ASTN1: variants seen among roughly 807,000 people sequenced by gnomAD.
ASTN1 encodes the protein astrotactin 1.
A neutral mutation model predicts 140.7 loss-of-function variants in ASTN1; 41 were observed. The observed-to-expected ratio is 0.29, with a 90% CI of 0.23 to 0.38. The LOEUF (loss-of-function observed/expected upper bound fraction) is 0.38, where lower values mean the gene tolerates loss of function less well. ASTN1 is among the 10% of genes least tolerant of loss of function. The pLI, the probability that ASTN1 is intolerant of heterozygous loss-of-function variation, is 1.00. For missense variants in ASTN1, 1,479 were observed against 1,678.8 expected (o/e 0.88, Z 2.08); for synonymous variants, 640 against 652.2 (o/e 0.98, Z 0.29).
intron 16 of ASTN1, among the ~76,000 whole-genome samples, chr1:176,914,473 C>T (rs1196208397): frequency 6.6e-6 from 1 of 152,206 alleles, no homozygotes; most frequent in Non-Finnish European, 1.5e-5. Context: ...CAAAGCTTAA[C>T]TCTGTGTTAT....
At chr1:176,949,630 C>T (rs369822881) in intron 11 of ASTN1, among the ~76,000 whole-genome samples, 11 of 152,162 alleles carry the variant, frequency 7.2e-5, no homozygotes, top group African/African-American at 1.9e-4. Context: ...AAGACACAGC[C>T]GAGGTGTACT....
chr1:177,128,142 G>A (rs181377644), intron 1 of ASTN1, among the ~76,000 whole-genome samples: 30 of 152,190 alleles, frequency 2.0e-4, no homozygotes, highest in Admixed American at 6.5e-4. Context: ...AGATGAATTA[G>A]GGAAAACAAG....
At position 177,145,125 on chromosome 1, in the gene ASTN1, T is replaced by C. The variant is rs116529741; in HGVS notation, c.283+19269A>G. Among the ~76,000 whole-genome samples, 583 of 152,290 alleles carry C rather than the reference T, an allele frequency of 3.8e-3. 3 individuals are homozygous for C. The highest frequency in any genetic ancestry group is 6.1e-3 in the Non-Finnish European group (412 of 68,016). On this transcript the variant is annotated intron_variant, in intron 1 of 22. Transcript: ENST00000361833. ...AGATAACTCTCAGATTCCTTTAACC[T>C]GCAACCTCAGAAAAATCAACTTTCA...
intron 1 of ASTN1, among the ~76,000 whole-genome samples, chr1:177,134,501 A>G (rs1682088579): frequency 6.6e-6 from 1 of 152,150 alleles, no homozygotes; most frequent in Admixed American, 6.5e-5. Context: ...AACCCACTGG[A>G]GTGGACTTAG....
intron 8 of ASTN1, among the ~76,000 whole-genome samples, chr1:177,001,246 G>A (rs1674715846): frequency 6.6e-6 from 1 of 152,140 alleles, no homozygotes; most frequent in African/African-American, 2.4e-5. Flanking sequence ...AAGAGACATT[G>A]TTTCTGCCTT....
chr1:177,054,591 A>C (rs1010242340), intron 2 of ASTN1, among the ~76,000 whole-genome samples: 1 of 152,218 alleles, frequency 6.6e-6, no homozygotes, highest in African/African-American at 2.4e-5. Flanking sequence ...ATAACCTGAT[A>C]TGAAAGCTTT....
At chr1:176,939,684 A>G (rs2103100583) in intron 14 of ASTN1, among the ~76,000 whole-genome samples, 1 of 152,242 alleles carries the variant, frequency 6.6e-6, no homozygotes, top group African/African-American at 2.4e-5. Context: ...TTTTTCAAGC[A>G]GTATCTCTGA....
intron 1 of ASTN1, among the ~76,000 whole-genome samples, chr1:177,117,310 T>C (rs1166329108): frequency 1.3e-5 from 2 of 152,162 alleles, no homozygotes; most frequent in African/African-American, 4.8e-5. Flanking sequence ...CCCACAGGTA[T>C]TCTTTACAGC....
intron 8 of ASTN1, among the ~76,000 whole-genome samples, chr1:176,967,599 G>A (rs369440363): frequency 1.3e-5 from 2 of 152,122 alleles, no homozygotes; most frequent in African/African-American, 4.8e-5. Flanking sequence ...ATAGTTTCTA[G>A]GTTGTTTGAA....
At chr1:177,061,027 T>A (rs1401801416) in intron 2 of ASTN1, 51 bp downstream of exon 2, 2 of 1,440,084 alleles carry the variant, frequency 1.4e-6, no homozygotes, top group Non-Finnish European at 1.8e-6. Context: ...ACCCTTAATG[T>A]CAAGGTAACA....
At chr1:176,933,830 A>G (rs2103091023) in intron 16 of ASTN1, among the ~76,000 whole-genome samples, 1 of 152,324 alleles carries the variant, frequency 6.6e-6, no homozygotes, top group South Asian at 2.1e-4. Flanking sequence ...ACTTTATACA[A>G]GCAGTCTGAT....
intron 16 of ASTN1, among the ~76,000 whole-genome samples, chr1:176,928,562 T>C (rs926469796): frequency 2.6e-5 from 4 of 151,936 alleles, no homozygotes; most frequent in African/African-American, 9.7e-5. Context: ...GTGGGAGTGA[T>C]GTTGGAGCTA....
intron 1 of ASTN1, among the ~76,000 whole-genome samples, chr1:177,127,770 C>A (rs1681728195): frequency 6.6e-6 from 1 of 152,208 alleles, no homozygotes; most frequent in Non-Finnish European, 1.5e-5. Flanking sequence ...CAAACTCTTT[C>A]TAAACTGTTG....
intron 1 of ASTN1, among the ~76,000 whole-genome samples, chr1:177,140,453 T>C (rs531569151): frequency 6.0e-4 from 91 of 152,174 alleles, no homozygotes; most frequent in Non-Finnish European, 3.5e-4. Context: ...TGTGACCCAA[T>C]TTACCACTTT....
chr1:176,938,475 A>G (rs868254091), intron 14 of ASTN1, among the ~76,000 whole-genome samples: 2 of 152,254 alleles, frequency 1.3e-5, no homozygotes, highest in Non-Finnish European at 2.9e-5. Context: ...ACAGGAAAGG[A>G]ATCACAAAGC....
At chr1:177,148,669 A>G (rs898262243) in intron 1 of ASTN1, among the ~76,000 whole-genome samples, 2 of 147,158 alleles carry the variant, frequency 1.4e-5, no homozygotes, top group African/African-American at 5.0e-5. Flanking sequence ...TTTCAGTTTT[A>G]CAAGTTATTT....
At chr1:177,067,645 T>C (rs1191252397) in intron 1 of ASTN1, among the ~76,000 whole-genome samples, 2 of 152,104 alleles carry the variant, frequency 1.3e-5, no homozygotes, top group East Asian at 1.9e-4. Context: ...TTAATAACAG[T>C]AGGGGATCAC....
At chr1:176,991,414 AAAAAAAAAAAAAAAAAAAAACC>A (rs1192013674) in intron 8 of ASTN1, among the ~76,000 whole-genome samples, 230 of 9,204 alleles carry the variant, frequency 0.025, 3 homozygotes, top group East Asian at 0.17. Flanking sequence ...ACTCTGTCTC[AAAAAAAAAAAAAAAAAAAAACC>A]AAAAAAAAAA....
At chr1:177,125,648 C>T (rs2861917) in intron 1 of ASTN1, among the ~76,000 whole-genome samples, 2,201 of 152,314 alleles carry the variant, frequency 0.014, 25 homozygotes, top group Non-Finnish European at 0.019. Flanking sequence ...ATGATCCATT[C>T]AGACCAGGAT....
Sources: gnomAD v4.1 joint callset for allele counts (sites outside exome capture counted in the v4.1 genomes callset) on GRCh38, gnomAD v4.1.1 for gene constraint, MANE v1.5 for transcripts, NCBI Gene and HGNC (gene_info 2026-07-23, HGNC 2026-07-21) for gene names.